The following ABCC3 variants were observed in gnomAD, a reference collection of about 807,000 sequenced individuals.
ABCC3 encodes the protein ATP-binding cassette sub-family C member 3.
In ABCC3, 121 loss-of-function variants were observed where a neutral mutation model predicts 165.3. That is an observed-to-expected ratio of 0.73 (90% CI 0.63 to 0.85). The LOEUF (loss-of-function observed/expected upper bound fraction) is 0.85, where lower values mean the gene tolerates loss of function less well. ABCC3 is among the 40% of genes least tolerant of loss of function. The pLI is 0.00. For missense variants in ABCC3, 1,869 were observed against 1,964.1 expected, an observed-to-expected ratio of 0.95 and a Z score of 0.92; for synonymous variants, 733 against 810.1, an observed-to-expected ratio of 0.90 and a Z score of 1.62.
At chr17:50,689,827 C>G (rs1363988482) in intron 30 of ABCC3, among the ~76,000 whole-genome samples, 1 of 152,182 alleles carries the variant, frequency 6.6e-6, no homozygotes, top group Non-Finnish European at 1.5e-5. Context: ...GACCTGTTCC[C>G]AGGCCTAACC....
chr17:50,650,306 C>T (rs976808717), intron 1 of ABCC3, among the ~76,000 whole-genome samples: 1 of 152,120 alleles, frequency 6.6e-6, no homozygotes, highest in African/African-American at 2.4e-5. Context: ...GGGGTTTCAC[C>T]ATGTTGGCCA....
rs1480008212 is a variant in ABCC3 at position 50,644,034 on chromosome 17, C to T, written c.45+9053C>T. Among the ~76,000 whole-genome samples, 6 of 151,894 alleles carry T rather than the reference C, an allele frequency of 4.0e-5. No homozygotes were observed. The South Asian group carries it at 1.0e-3, about 26-fold the overall frequency. Reference sequence around the variant, plus strand: ...ATGGGATTAAGAAGGGAAGGCAGGCCAGGCACAGTGGCTCACGCCTGAAAT... The same window carrying T: ...ATGGGATTAAGAAGGGAAGGCAGGCTAGGCACAGTGGCTCACGCCTGAAAT... On this transcript the variant is annotated intron_variant, in intron 1 of 30. Coordinates refer to ENST00000285238, the MANE Select transcript of ABCC3 (RefSeq NM_003786.4).
At chr17:50,663,906 C>T in intron 9 of ABCC3, 44 bp from the exon 10 acceptor site, 1 of 1,614,214 alleles carries the variant, frequency 6.2e-7, no homozygotes, top group Non-Finnish European at 8.5e-7. Context: ...GGGCAGCTTG[C>T]AAGAGGCTCG....
chr17:50,663,385 C>T (rs1345687436), intron 8 of ABCC3: 2 of 418,302 alleles, frequency 4.8e-6, no homozygotes, highest in Non-Finnish European at 8.7e-6. Flanking sequence ...TTTCTTCCCG[C>T]CATATGTCAG....
chr17:50,634,963 G>A lies in ABCC3; in HGVS notation c.27G>A (p.Glu9=). The change falls in exon 1 of 31, where the codon GAG becomes GAA. Residue 9 remains glutamate (E), a synonymous_variant. Transcript: ENST00000285238. MDALCGSG[E]LGSKFWDSNL... ...TGGACGCCCTGTGCGGTTCCGGGGA[G>A]CTCGGCTCCAAGTTCTGGGTAAGGC... is the stretch of plus-strand genomic sequence containing the variant. 1 of 1,260,688 alleles carries A rather than the reference G, an allele frequency of 7.9e-7. No individual in the cohort carries two copies. Among genetic ancestry groups the A allele is most frequent in the East Asian group, 3.1e-5 (1 of 32,616 alleles). The allele number at this position is 1,260,688 out of a possible 1,614,324, so 78.1% of individuals were successfully genotyped here. A position where few individuals can be genotyped will look rare whatever the true frequency, so the allele number is the denominator to read the frequency against.
chr17:50,641,811 C>T (rs745940536), intron 1 of ABCC3, among the ~76,000 whole-genome samples: 4 of 151,864 alleles, frequency 2.6e-5, no homozygotes, highest in African/African-American at 7.3e-5. Context: ...TTTGGGAGGC[C>T]GAAGCAGGAG....
chr17:50,674,280 T>C (rs1967754733), intron 19 of ABCC3: 1 of 151,614 alleles, frequency 6.6e-6, no homozygotes, highest in East Asian at 2.0e-4. Context: ...TTGGCCAGGA[T>C]GGTCTCGATC....
chr17:50,672,840 C>G, intron 17 of ABCC3, 131 bp from the exon 18 acceptor site: 1 of 789,438 alleles, frequency 1.3e-6, no homozygotes, highest in Non-Finnish European at 2.0e-6. Flanking sequence ...CCACTGCACT[C>G]CAGCCTGGGT....
chr17:50,639,880 C>G (rs2054212570), intron 1 of ABCC3, among the ~76,000 whole-genome samples: 1 of 152,048 alleles, frequency 6.6e-6, no homozygotes. Flanking sequence ...CCTCCTGCCT[C>G]AGCCTCCCAA....
Position 50,683,735 on chromosome 17 carries a change from G to T in ABCC3, c.3933G>T (p.Leu1311=), listed in dbSNP as rs1262201673. Residue 1311 remains leucine, a synonymous_variant, in exon 27 of 31, where the codon CTG becomes CTT. Coordinates refer to ENST00000285238, the MANE Select transcript of ABCC3 (RefSeq NM_003786.4). ...ACCTGGTGCTGAGAGACCTGAGTCT[G>T]CATGTGCACGGTGGCGAGAAGGTAC... ...GLDLVLRDLS[L]HVHGGEKVGI... 6.2e-7 allele frequency: 1 copy of T among 1,606,816 alleles called. No individual in the cohort carries two copies. Among genetic ancestry groups the T allele is most frequent in the Non-Finnish European group, 8.5e-7 (1 of 1,177,458 alleles).
chr17:50,669,126 G>T lies in ABCC3; in HGVS notation c.1938-14G>T, dbSNP rs376207268. The T allele has an allele frequency of 3.1e-6, 5 of 1,595,496 alleles. No individual in the cohort carries two copies. The Admixed American group carries it at 7.3e-5, about 23-fold the overall frequency. On this transcript the variant is annotated splice_polypyrimidine_tract_variant and intron_variant, in intron 15 of 30. Transcript: ENST00000285238. ...CCCTGCCTCTAACTGGACTCCTGGG[G>T]TCCTTGCCCCCAGCCTAGACATCCA...
At chr17:50,665,026 C>T (rs1447965075) in intron 10 of ABCC3, 127 bp from the exon 11 acceptor site, 1 of 766,360 alleles carries the variant, frequency 1.3e-6, no homozygotes, top group Admixed American at 2.2e-5. Flanking sequence ...TTTGGCCAAC[C>T]ACCATCTTTT....
chr17:50,685,924 A>G (rs1968013840), intron 29 of ABCC3, among the ~76,000 whole-genome samples: 1 of 152,182 alleles, frequency 6.6e-6, no homozygotes, highest in South Asian at 2.1e-4. Context: ...GGCCAGGCAC[A>G]GTGGCTCACG....
At chr17:50,669,875 A>C (rs1296245489) in intron 17 of ABCC3, among the ~76,000 whole-genome samples, 1 of 151,988 alleles carries the variant, frequency 6.6e-6, no homozygotes, top group African/African-American at 2.4e-5. Context: ...GGGACGCTGC[A>C]GCTTGGAACT....
intron 17 of ABCC3, among the ~76,000 whole-genome samples, chr17:50,670,459 A>G (rs561343830): frequency 6.6e-6 from 1 of 152,282 alleles, no homozygotes; most frequent in South Asian, 2.1e-4. Flanking sequence ...CATTTACCAT[A>G]TATTTATTAA....
At chr17:50,681,302 C>G (rs1335127423) in intron 26 of ABCC3, among the ~76,000 whole-genome samples, 2 of 152,180 alleles carry the variant, frequency 1.3e-5, no homozygotes, top group African/African-American at 4.8e-5. Context: ...TGAACTCCCT[C>G]AACCTTCCTG....
At chr17:50,686,772 G>A (rs1968029959) in intron 29 of ABCC3, among the ~76,000 whole-genome samples, 1 of 152,148 alleles carries the variant, frequency 6.6e-6, no homozygotes, top group Admixed American at 6.5e-5. Context: ...CTATCCGGCG[G>A]CTTATTCTGC....
At chr17:50,677,014 T>G (rs544831256) in intron 23 of ABCC3, among the ~76,000 whole-genome samples, 11 of 152,184 alleles carry the variant, frequency 7.2e-5, no homozygotes, top group Non-Finnish European at 1.6e-4. Context: ...CCCAGGTAGC[T>G]GGGATTACAG....
intron 1 of ABCC3, chr17:50,635,681 T>C (rs2054173154): frequency 1.5e-6 from 1 of 682,558 alleles, no homozygotes; most frequent in Non-Finnish European, 2.7e-6. Context: ...GGAAGGGACT[T>C]GCCCAAAGTT....
Sources: allele counts gnomAD v4.1 joint callset (sites outside exome capture counted in the v4.1 genomes callset), GRCh38; gene constraint gnomAD v4.1.1; transcripts MANE v1.5; gene names NCBI Gene and HGNC (gene_info 2026-07-23, HGNC 2026-07-21).